EEFSEC: variants seen among roughly 807,000 people sequenced by gnomAD.
EEFSEC encodes the protein eukaryotic elongation factor, selenocysteine-tRNA specific, also known as selenocysteine-specific elongation factor.
EEFSEC carries 43 observed loss-of-function variants against 42.1 expected under a neutral mutation model. That is an observed-to-expected ratio of 1.02 (90% CI 0.80 to 1.32). The LOEUF (loss-of-function observed/expected upper bound fraction) is 1.32, where lower values mean the gene tolerates loss of function less well. Among genes scored for constraint, EEFSEC ranks in the 40% most tolerant of loss-of-function variants. The pLI is 0.00. For synonymous variants in EEFSEC, 354 were observed against 339.1 expected, an observed-to-expected ratio of 1.04 and a Z score of -0.48; for missense variants, 745 against 803.6, an observed-to-expected ratio of 0.93 and a Z score of 0.88.
chr3:128,272,779 G>T (rs1312192961), intron 4 of EEFSEC, among the ~76,000 whole-genome samples: 1 of 152,160 alleles, frequency 6.6e-6, no homozygotes, highest in Non-Finnish European at 1.5e-5. Flanking sequence ...TGGGTTACAT[G>T]TCCACCCCTG....
chr3:128,422,313 T>G, the EEFSEC span, among the ~76,000 whole-genome samples: 1 of 152,176 alleles, frequency 6.6e-6, no homozygotes, highest in South Asian at 2.1e-4. Flanking sequence ...CAGGAGTGAA[T>G]GGAGCCTCGG....
chr3:128,311,701 T>C (rs1019125257), intron 4 of EEFSEC, among the ~76,000 whole-genome samples: 1 of 152,240 alleles, frequency 6.6e-6, no homozygotes, highest in African/African-American at 2.4e-5. Context: ...CTCCATCTCT[T>C]TTCAGAGTGT....
At chr3:128,223,766 A>G (rs984883135) in intron 1 of EEFSEC, among the ~76,000 whole-genome samples, 2 of 152,220 alleles carry the variant, frequency 1.3e-5, no homozygotes, top group Non-Finnish European at 2.9e-5. Flanking sequence ...TAGGATGTCC[A>G]TGAGCATGTG....
At chr3:128,399,817 G>A (rs186640045) in intron 6 of EEFSEC, among the ~76,000 whole-genome samples, 4 of 151,934 alleles carry the variant, frequency 2.6e-5, no homozygotes, top group South Asian at 2.1e-4. Context: ...GTCCCCAGCC[G>A]GGTCTGTGTT....
chr3:128,354,518 G>A, intron 5 of EEFSEC, among the ~76,000 whole-genome samples: 1 of 152,180 alleles, frequency 6.6e-6, no homozygotes, highest in African/African-American at 2.4e-5. Flanking sequence ...GGCCCACTAG[G>A]TCAGATGAGA....
At chr3:128,425,964 T>C in the EEFSEC span, among the ~76,000 whole-genome samples, 4 of 152,150 alleles carry the variant, frequency 2.6e-5, no homozygotes, top group Non-Finnish European at 4.4e-5. Context: ...GGTAGGTGAA[T>C]CGTGTTATTA....
chr3:128,222,037 T>G lies in EEFSEC; in HGVS notation c.317-24799T>G, dbSNP rs1421925540. 2.3e-4 allele frequency among the ~76,000 whole-genome samples: 33 copies of G among 144,644 alleles called. 1 individual carries two copies. Among genetic ancestry groups the G allele is most frequent in the African/African-American group, 6.6e-4 (26 of 39,136 alleles). 94.9% of individuals were successfully genotyped at this position (144,644 alleles called of 152,430 possible). On this transcript the variant is annotated intron_variant, in intron 1 of 6. Coordinates refer to ENST00000254730, the MANE Select transcript of EEFSEC (RefSeq NM_021937.5). ...GTGTTTTTTCAAAGTTTTTTTTTTT[T>G]TTTTTTTTTTTTTTGAGACAGAATC...
intron 6 of EEFSEC, among the ~76,000 whole-genome samples, chr3:128,395,102 A>G (rs1044637415): frequency 2.0e-5 from 3 of 152,208 alleles, no homozygotes; most frequent in African/African-American, 4.8e-5. Flanking sequence ...TAGAGCATCT[A>G]TGACCCCGGG....
At chr3:128,167,381 G>A (rs990870608) in intron 1 of EEFSEC, among the ~76,000 whole-genome samples, 3 of 152,142 alleles carry the variant, frequency 2.0e-5, no homozygotes, top group Admixed American at 6.5e-5. Flanking sequence ...CATGCATATC[G>A]GAATGAATGA....
At chr3:128,176,383 A>G (rs2687729) in intron 1 of EEFSEC, among the ~76,000 whole-genome samples, 44,463 of 151,696 alleles carry the variant, frequency 0.29, 6,737 homozygotes, top group South Asian at 0.37. Context: ...GAGTTAAGAC[A>G]AAGAAGGCCA....
chr3:128,250,217 C>T (rs1576580336), intron 2 of EEFSEC, among the ~76,000 whole-genome samples: 2 of 152,002 alleles, frequency 1.3e-5, no homozygotes, highest in Non-Finnish European at 2.9e-5. Context: ...CTTTTCACTT[C>T]GTTGATAGTG....
chr3:128,226,832 A>T (rs2065912427), intron 1 of EEFSEC, among the ~76,000 whole-genome samples: 1 of 152,192 alleles, frequency 6.6e-6, no homozygotes, highest in South Asian at 2.1e-4. Context: ...GTGCCCAGAT[A>T]TGGTGGTGCA....
At chr3:128,166,717 G>T (rs558196105) in intron 1 of EEFSEC, among the ~76,000 whole-genome samples, 7 of 152,032 alleles carry the variant, frequency 4.6e-5, no homozygotes, top group African/African-American at 1.4e-4. Flanking sequence ...CCAAGGTGCG[G>T]CCCTTGAACT....
At chr3:128,246,224 G>A (rs943053388) in intron 1 of EEFSEC, among the ~76,000 whole-genome samples, 4 of 82,350 alleles carry the variant, frequency 4.9e-5, no homozygotes, top group Non-Finnish European at 7.6e-5. Flanking sequence ...GCTCACAAGC[G>A]TGCACGCACA....
chr3:128,296,634 G>A (rs1024333592), intron 4 of EEFSEC, among the ~76,000 whole-genome samples: 5 of 127,202 alleles, frequency 3.9e-5, no homozygotes, highest in Admixed American at 2.6e-4. Flanking sequence ...GCAGCTCGAA[G>A]GTTACCTCCT....
the EEFSEC span, among the ~76,000 whole-genome samples, chr3:128,420,137 G>T: frequency 6.6e-6 from 1 of 152,302 alleles, no homozygotes; most frequent in Non-Finnish European, 1.5e-5. Flanking sequence ...GAAACAAAGA[G>T]AAAACAGACA....
At chr3:128,257,880 G>A (rs956748528) in intron 2 of EEFSEC, among the ~76,000 whole-genome samples, 1 of 152,198 alleles carries the variant, frequency 6.6e-6, no homozygotes, top group South Asian at 2.1e-4. Flanking sequence ...CCAGGAGCAG[G>A]TTTTGCAGAG....
At chr3:128,264,811 C>T (rs892545447) in intron 4 of EEFSEC, 30 bp downstream of exon 4, 55 of 1,600,308 alleles carry the variant, frequency 3.4e-5, no homozygotes, top group Non-Finnish European at 4.2e-5. Context: ...CCCTTCTGGC[C>T]TCCTCGCTGG....
chr3:128,417,480 A>C, the EEFSEC span, among the ~76,000 whole-genome samples: 1 of 151,942 alleles, frequency 6.6e-6, no homozygotes, highest in African/African-American at 2.4e-5. The surrounding 1 kb of genome is among the most constrained non-coding windows in gnomAD (Gnocchi z 4.3). Context: ...CGCAGTAAAA[A>C]TCCACATTCC....
Sources: gnomAD v4.1 joint callset for allele counts (sites outside exome capture counted in the v4.1 genomes callset) on GRCh38, gnomAD v4.1.1 for gene constraint, Gnocchi (gnomAD v3.1) non-coding constraint, MANE v1.5 for transcripts, NCBI Gene and HGNC (gene_info 2026-07-23, HGNC 2026-07-21) for gene names.